Variants in KCNIP4 observed in about 807,000 individuals in gnomAD.
KCNIP4 encodes the protein Kv channel-interacting protein 4.
KCNIP4 carries 12 observed loss-of-function variants against 34.0 expected under a neutral mutation model. The ratio of observed to expected loss-of-function variants is 0.35; its 90% CI spans 0.23 to 0.57. The LOEUF (loss-of-function observed/expected upper bound fraction) is 0.57, where lower values mean the gene tolerates loss of function less well. Among genes scored for constraint, KCNIP4 ranks in the 20% least tolerant of loss-of-function variants. The pLI is 0.83. For synonymous variants in KCNIP4, 124 were observed against 102.2 expected (o/e 1.21, Z -1.29); for missense variants, 238 against 311.7 (o/e 0.76, Z 1.78).
intron 1 of KCNIP4, among the ~76,000 whole-genome samples, chr4:21,343,913 G>C (rs928413585): frequency 6.6e-6 from 1 of 152,002 alleles, no homozygotes; most frequent in Non-Finnish European, 1.5e-5. Flanking sequence ...CACACTCCGA[G>C]GTAGATGCTA....
intron 1 of KCNIP4, among the ~76,000 whole-genome samples, chr4:21,146,507 T>C (rs1423031465): frequency 1.3e-5 from 2 of 152,214 alleles, no homozygotes; most frequent in African/African-American, 4.8e-5. Flanking sequence ...CCACATATGA[T>C]TGCCCCAACT....
intron 1 of KCNIP4, among the ~76,000 whole-genome samples, chr4:20,902,133 A>T (rs547820454): frequency 1.3e-5 from 2 of 152,184 alleles, no homozygotes; most frequent in Non-Finnish European, 2.9e-5. Context: ...TAAGAGGCCA[A>T]AATTATTAGA....
chr4:21,690,640 C>T (rs1466560504), intron 1 of KCNIP4, among the ~76,000 whole-genome samples: 2 of 152,170 alleles, frequency 1.3e-5, no homozygotes, highest in African/African-American at 4.8e-5. Flanking sequence ...GCCTGCAGAA[C>T]CGTATGTCAA....
chr4:21,176,077 A>G (rs543092248), intron 1 of KCNIP4, among the ~76,000 whole-genome samples: 1 of 152,294 alleles, frequency 6.6e-6, no homozygotes, highest in East Asian at 1.9e-4. Context: ...AATTTCTTTT[A>G]CACTGGCCCA....
At chr4:21,029,991 AT>A (rs1317843722) in intron 1 of KCNIP4, among the ~76,000 whole-genome samples, 3 of 152,104 alleles carry the variant, frequency 2.0e-5, no homozygotes, top group Non-Finnish European at 4.4e-5. Context: ...ACTTGGAGTT[AT>A]TTAAAAAAAT....
At chr4:21,016,478 G>T (rs576055091) in intron 1 of KCNIP4, among the ~76,000 whole-genome samples, 1 of 151,856 alleles carries the variant, frequency 6.6e-6, no homozygotes, top group Non-Finnish European at 1.5e-5. Context: ...TGTATTTTTA[G>T]TAGAGATAGG....
intron 1 of KCNIP4, among the ~76,000 whole-genome samples, chr4:20,964,914 A>T (rs1386427447): frequency 6.6e-6 from 1 of 152,142 alleles, no homozygotes; most frequent in Admixed American, 6.5e-5. Flanking sequence ...TTCAATTAGG[A>T]GGCACATTAA....
At chr4:21,075,372 G>A (rs918973319) in intron 1 of KCNIP4, among the ~76,000 whole-genome samples, 4 of 152,126 alleles carry the variant, frequency 2.6e-5, no homozygotes, top group African/African-American at 9.7e-5. Flanking sequence ...TTGTTGAATT[G>A]ATCCCTTTAC....
chr4:21,594,259 A>G (rs1742450118), intron 1 of KCNIP4, among the ~76,000 whole-genome samples: 1 of 152,166 alleles, frequency 6.6e-6, no homozygotes, highest in African/African-American at 2.4e-5. Flanking sequence ...TATAGAGTTT[A>G]GAGATATAGA....
rs73805018 is a variant in KCNIP4 at position 21,138,363 on chromosome 4, T to G, written c.62-255654A>C. 4.6e-3 allele frequency among the ~76,000 whole-genome samples: 699 copies of G among 152,312 alleles called. 3 individuals are homozygous for G. Among genetic ancestry groups the G allele is most frequent in the African/African-American group, 0.015 (604 of 41,572 alleles). On this transcript the variant is annotated intron_variant, in intron 1 of 8. Transcript: ENST00000382152. ...GCTTGTCAAACTTTATATTCTTATATATTTTCAAACACAAATATGCTTTTT... is the reference window on the plus strand; with the variant it reads ...GCTTGTCAAACTTTATATTCTTATAGATTTTCAAACACAAATATGCTTTTT...
chr4:21,412,363 C>A (rs1461270800), intron 1 of KCNIP4, among the ~76,000 whole-genome samples: 1 of 152,178 alleles, frequency 6.6e-6, no homozygotes, highest in African/African-American at 2.4e-5. Flanking sequence ...TCTCCACATT[C>A]TTCCTTCTTT....
chr4:21,284,233 A>C (rs1294834307), intron 1 of KCNIP4, among the ~76,000 whole-genome samples: 1 of 152,122 alleles, frequency 6.6e-6, no homozygotes, highest in African/African-American at 2.4e-5. Flanking sequence ...AAAAGAAAAG[A>C]AATCTGCAAT....
At chr4:21,177,982 T>C (rs1393599993) in intron 1 of KCNIP4, among the ~76,000 whole-genome samples, 1 of 152,058 alleles carries the variant, frequency 6.6e-6, no homozygotes, top group Non-Finnish European at 1.5e-5. Flanking sequence ...AGGATTCAAC[T>C]GCTAATCTTG....
At chr4:21,528,688 AAAGAAAGAAAGAAAGAAAGAAAG>A (rs1560488989) in intron 1 of KCNIP4, among the ~76,000 whole-genome samples, 4 of 2,092 alleles carry the variant, frequency 1.9e-3, no homozygotes, top group African/African-American at 5.3e-3. Context: ...AGAAAGAAAG[AAAGAAAGAAAGAAAGAAAGAAAG>A]AAAGAAAGAA....
At chr4:20,927,459 C>G (rs1438579502) in intron 1 of KCNIP4, among the ~76,000 whole-genome samples, 1 of 152,100 alleles carries the variant, frequency 6.6e-6, no homozygotes, top group Non-Finnish European at 1.5e-5. Flanking sequence ...GCTGCCAGGA[C>G]TACAATATTT....
At chr4:21,439,195 C>T (rs1727227145) in intron 1 of KCNIP4, among the ~76,000 whole-genome samples, 2 of 151,470 alleles carry the variant, frequency 1.3e-5, no homozygotes, top group Admixed American at 1.3e-4. Flanking sequence ...AGAAAGAAGC[C>T]AACAAGAGGG....
intron 1 of KCNIP4, among the ~76,000 whole-genome samples, chr4:21,138,810 T>C (rs745426619): frequency 2.0e-5 from 3 of 152,000 alleles, no homozygotes; most frequent in Non-Finnish European, 2.9e-5. Context: ...TCGGCCGCCA[T>C]GGCTGGCTTT....
chr4:20,968,969 C>T (rs1196865394), intron 1 of KCNIP4, among the ~76,000 whole-genome samples: 2 of 152,116 alleles, frequency 1.3e-5, no homozygotes, highest in African/African-American at 2.4e-5. Flanking sequence ...ACTCTCTCTA[C>T]TGCCTCCCTG....
chr4:21,870,091 G>T (rs539691070), intron 1 of KCNIP4, among the ~76,000 whole-genome samples: 2 of 152,116 alleles, frequency 1.3e-5, no homozygotes. Flanking sequence ...TGTTCCCTTT[G>T]TAAGAAGCCC....
Sources: allele counts gnomAD v4.1 joint callset (sites outside exome capture counted in the v4.1 genomes callset), GRCh38; gene constraint gnomAD v4.1.1; transcripts MANE v1.5; gene names NCBI Gene and HGNC (gene_info 2026-07-23, HGNC 2026-07-21).